TAF12: variants seen among roughly 807,000 people sequenced by gnomAD.
TAF12 encodes TATA-box binding protein associated factor 12.
In TAF12, 3 loss-of-function variants were observed where a neutral mutation model predicts 20.8. That is an observed-to-expected ratio of 0.14 (90% CI 0.07 to 0.37). TAF12 has a LOEUF of 0.37. Among genes scored for constraint, TAF12 ranks in the 10% least tolerant of loss-of-function variants. The pLI, the probability that TAF12 is intolerant of heterozygous loss-of-function variation, is 1.00. For synonymous variants in TAF12, 69 were observed against 70.2 expected (o/e 0.98, Z 0.09); for missense variants, 131 against 197.9 (o/e 0.66, Z 2.03).
intron 1 of TAF12, among the ~76,000 whole-genome samples, chr1:28,624,460 A>G (rs751793712): frequency 6.6e-6 from 1 of 152,050 alleles, no homozygotes; most frequent in African/African-American, 2.4e-5. Context: ...TAATATGAGA[A>G]ATCTGGCCCG....
chr1:28,637,408 T>C (rs189315800), intron 1 of TAF12, among the ~76,000 whole-genome samples: 27 of 152,200 alleles, frequency 1.8e-4, no homozygotes, highest in Admixed American at 1.6e-3. Context: ...GGCTCACGCC[T>C]GTAATCCTAG....
At chr1:28,630,989 G>A (rs1333859338) in intron 1 of TAF12, among the ~76,000 whole-genome samples, 23 of 147,150 alleles carry the variant, frequency 1.6e-4, no homozygotes, top group Non-Finnish European at 3.1e-4. Flanking sequence ...AGGTTGCAGT[G>A]AGCTGAGACC....
chr1:28,624,084 T>G, intron 1 of TAF12: 1 of 848,004 alleles, frequency 1.2e-6, no homozygotes, highest in Non-Finnish European at 1.4e-6. Context: ...ACCATTTTAG[T>G]TGAATGGCCT....
intron 3 of TAF12, 38 bp from the exon 4 acceptor site, chr1:28,613,399 G>T: frequency 6.5e-7 from 1 of 1,542,078 alleles, no homozygotes; most frequent in Non-Finnish European, 8.8e-7. Flanking sequence ...GCACGACATT[G>T]GCAGGGTAGG....
intron 1 of TAF12, among the ~76,000 whole-genome samples, chr1:28,639,859 TCAGA>T (rs1431916936): frequency 7.9e-5 from 12 of 151,994 alleles, no homozygotes; most frequent in Non-Finnish European, 1.3e-4. Flanking sequence ...TTTTTTTTTT[TCAGA>T]CAGAGTCTCA....
In TAF12 at chr1:28,643,002, G is replaced by T. The variant is rs144905946; in HGVS notation, c.-95C>A. The T allele has an allele frequency of 7.1e-5, 70 of 985,982 alleles. No homozygotes were observed. In the African/African-American group the frequency reaches 1.0e-3, roughly 15 times the overall value. 61.1% of individuals were successfully genotyped at this position (985,982 alleles called of 1,614,324 possible). ...GGGCCCAAGACTCACAGGCAGCAGC[G>T]TCTATCTCCCCATGATATGCAGAGA... is the stretch of plus-strand genomic sequence containing the variant. On this transcript the variant is annotated 5_prime_UTR_variant, in exon 1 of 6. Transcript: ENST00000373824.
chr1:28,630,382 C>T (rs1005230253), intron 1 of TAF12, among the ~76,000 whole-genome samples: 2 of 151,870 alleles, frequency 1.3e-5, no homozygotes, highest in Non-Finnish European at 1.5e-5. Context: ...TGGTGAAACC[C>T]GTCTCTACTA....
At chr1:28,640,150 G>T (rs1188431360) in intron 1 of TAF12, among the ~76,000 whole-genome samples, 2 of 152,158 alleles carry the variant, frequency 1.3e-5, no homozygotes, top group East Asian at 3.9e-4. Flanking sequence ...GTCCAAATTA[G>T]TCTTTCTTGG....
upstream of TAF12, chr1:28,643,240 T>A: frequency 5.1e-6 from 2 of 391,304 alleles, no homozygotes; most frequent in Non-Finnish European, 7.0e-6. Context: ...CGCTTTTAAC[T>A]GCTTGTGGTT....
At chr1:28,605,207 C>T (rs954716875) in intron 5 of TAF12, 165 bp downstream of exon 5, 16 of 639,416 alleles carry the variant, frequency 2.5e-5, no homozygotes, top group Non-Finnish European at 3.8e-5. Context: ...ATTGATCTCC[C>T]GGAGACCGCT....
intron 1 of TAF12, among the ~76,000 whole-genome samples, chr1:28,635,727 G>T (rs947574519): frequency 6.6e-6 from 1 of 151,790 alleles, no homozygotes; most frequent in African/African-American, 2.4e-5. Flanking sequence ...TATTGAGAGG[G>T]TCTAATTTTT....
At chr1:28,619,647 GAAAA>G (rs56098932) in intron 2 of TAF12, among the ~76,000 whole-genome samples, 3 of 59,464 alleles carry the variant, frequency 5.0e-5, no homozygotes, top group South Asian at 6.1e-4. Context: ...AAATTCCACT[GAAAA>G]AAAAAAAAAA....
At chr1:28,626,808 G>A (rs1667414441) in intron 1 of TAF12, among the ~76,000 whole-genome samples, 1 of 151,908 alleles carries the variant, frequency 6.6e-6, no homozygotes, top group Admixed American at 6.6e-5. Flanking sequence ...TACTTGGGAG[G>A]CTGAGGCAGG....
At chr1:28,639,655 G>C (rs966515599) in intron 1 of TAF12, among the ~76,000 whole-genome samples, 1 of 151,948 alleles carries the variant, frequency 6.6e-6, no homozygotes, top group Non-Finnish European at 1.5e-5. Flanking sequence ...CATGGGCATC[G>C]GTATGCTTTC....
At chr1:28,611,787 T>C (rs1428952437) in intron 4 of TAF12, among the ~76,000 whole-genome samples, 1 of 152,148 alleles carries the variant, frequency 6.6e-6, no homozygotes, top group Non-Finnish European at 1.5e-5. Context: ...CTGCCAAGTT[T>C]ATGGTATTTT....
chr1:28,632,286 A>G (rs1438574015), intron 1 of TAF12, among the ~76,000 whole-genome samples: 1 of 152,132 alleles, frequency 6.6e-6, no homozygotes, highest in Non-Finnish European at 1.5e-5. Flanking sequence ...AAATACAAAA[A>G]TTAGCCTGGC....
At chr1:28,627,566 A>G (rs892124644) in intron 1 of TAF12, among the ~76,000 whole-genome samples, 5 of 146,238 alleles carry the variant, frequency 3.4e-5, no homozygotes, top group African/African-American at 1.3e-4. Flanking sequence ...GGTGGCGGGC[A>G]CCTGCAGTCC....
intron 1 of TAF12, 190 bp downstream of exon 1, chr1:28,642,802 A>G (rs4252958): frequency 0.99 from 976,760 of 985,600 alleles, 484,520 homozygotes; most frequent in East Asian, 1. Flanking sequence ...GTCCCGTCTT[A>G]GAGCCCGGGT....
At chr1:28,617,870 G>C in intron 3 of TAF12, 83 bp downstream of exon 3, 1 of 1,325,418 alleles carries the variant, frequency 7.5e-7, no homozygotes, top group South Asian at 1.2e-5. Context: ...ATGAGCCACT[G>C]CATCTGGCCT....
Sources: gnomAD v4.1 joint callset for allele counts (sites outside exome capture counted in the v4.1 genomes callset) on GRCh38, gnomAD v4.1.1 for gene constraint, MANE v1.5 for transcripts, NCBI Gene and HGNC (gene_info 2026-07-23, HGNC 2026-07-21) for gene names.